TMTC2: variants seen among roughly 807,000 people sequenced by gnomAD.
TMTC2 encodes protein O-mannosyl-transferase TMTC2.
TMTC2 carries 43 observed loss-of-function variants against 82.4 expected under a neutral mutation model. The observed-to-expected ratio is 0.52, with a 90% confidence interval of 0.41 to 0.67. The LOEUF is 0.67. Among genes scored for constraint, TMTC2 ranks in the 30% least tolerant of loss-of-function variants. TMTC2 has a pLI of 0.00. For missense variants in TMTC2, 919 were observed against 1,012.4 expected (o/e 0.91, Z 1.25); for synonymous variants, 408 against 381.9 (o/e 1.07, Z -0.80).
rs531176030 is a variant in TMTC2, at chr12:82,988,135, T to C, written c.2070+2089T>C. 7.9e-5 allele frequency among the ~76,000 whole-genome samples: 12 copies of C among 152,220 alleles called. No individual in the cohort carries two copies. The East Asian group carries it at 2.3e-3, about 29-fold the overall frequency. On this transcript the variant is annotated intron_variant, in intron 8 of 11. Coordinates refer to ENST00000321196, the MANE Select transcript of TMTC2 (RefSeq NM_152588.3). ...TGGGCAAATCAGACTAAGCTTTTAA[T>C]GAATAAAATATTAAGGGAATACTAT...
intron 1 of TMTC2, among the ~76,000 whole-genome samples, chr12:82,736,868 C>A (rs1875153122): frequency 6.6e-6 from 1 of 152,040 alleles, no homozygotes; most frequent in Non-Finnish European, 1.5e-5. Flanking sequence ...AATGAATATC[C>A]CAGTTATAGA....
intron 1 of TMTC2, among the ~76,000 whole-genome samples, chr12:82,753,047 C>T (rs537416463): frequency 1.4e-4 from 22 of 152,170 alleles, no homozygotes; most frequent in African/African-American, 5.3e-4. Context: ...GAATGAGCGG[C>T]TCTCTTAAGC....
Position 82,897,184 on chromosome 12 carries a change from A to G in TMTC2, c.1483+538A>G, listed in dbSNP as rs180802549. Among the ~76,000 whole-genome samples, 59 of 152,306 alleles carry G rather than the reference A, an allele frequency of 3.9e-4. No homozygotes were observed. The East Asian group carries it at 0.011, about 27-fold the overall frequency. On this transcript the variant is annotated intron_variant, in intron 3 of 11. Coordinates refer to ENST00000321196, the MANE Select transcript of TMTC2 (RefSeq NM_152588.3). ...AGGTATGAGTCACCTTTGGCTGCGC[A>G]GAGGCTGAATTATCTGAGTGTTGCC...
At chr12:82,779,170 A>G (rs1181982570) in intron 1 of TMTC2, among the ~76,000 whole-genome samples, 1 of 151,976 alleles carries the variant, frequency 6.6e-6, no homozygotes, top group Non-Finnish European at 1.5e-5. Flanking sequence ...TCCCAACATC[A>G]CGGCAGGGTA....
chr12:83,046,087 C>T (rs1565867568), intron 9 of TMTC2, among the ~76,000 whole-genome samples: 2 of 152,226 alleles, frequency 1.3e-5, no homozygotes, highest in South Asian at 2.1e-4. Context: ...GTCACTTCTG[C>T]TCTAAAACAT....
chr12:82,871,486 A>G (rs1872174594), intron 2 of TMTC2, among the ~76,000 whole-genome samples: 1 of 152,150 alleles, frequency 6.6e-6, no homozygotes, highest in Non-Finnish European at 1.5e-5. Flanking sequence ...TAAAAATACA[A>G]TGATGGATAT....
intron 2 of TMTC2, among the ~76,000 whole-genome samples, chr12:82,876,088 GTATTCA>G (rs1565788846): frequency 7.3e-4 from 97 of 132,188 alleles, no homozygotes; most frequent in African/African-American, 1.8e-3. Flanking sequence ...ATGGTGATTA[GTATTCA>G]TAATGGTGGT....
intron 4 of TMTC2, among the ~76,000 whole-genome samples, chr12:82,939,859 T>C: frequency 6.6e-6 from 1 of 152,128 alleles, no homozygotes. Context: ...TTATCTTCAA[T>C]GTGAACTTGA....
At chr12:83,070,490 C>G (rs1883071350) in intron 11 of TMTC2, among the ~76,000 whole-genome samples, 1 of 151,396 alleles carries the variant, frequency 6.6e-6, no homozygotes, top group Non-Finnish European at 1.5e-5. Flanking sequence ...TGATTCTTTG[C>G]TTGGTTGCTG....
chr12:82,933,561 A>C (rs888373793), intron 4 of TMTC2, among the ~76,000 whole-genome samples: 2 of 152,186 alleles, frequency 1.3e-5, no homozygotes, highest in African/African-American at 4.8e-5. Context: ...ATAACGTGAT[A>C]ATACCCCTTT....
chr12:83,071,912 T>A (rs11834840), intron 11 of TMTC2, among the ~76,000 whole-genome samples: 9,336 of 152,262 alleles, frequency 0.061, 325 homozygotes, highest in Middle Eastern at 0.082. Flanking sequence ...TCTTGGTTAA[T>A]CTTGCTAAAG....
chr12:82,829,181 G>A (rs893568634), intron 1 of TMTC2, among the ~76,000 whole-genome samples: 5 of 152,102 alleles, frequency 3.3e-5, no homozygotes, highest in Admixed American at 3.3e-4. Context: ...TACAAGTGAG[G>A]AATCAGAAAC....
At chr12:83,022,641 C>T (rs890960563) in intron 8 of TMTC2, among the ~76,000 whole-genome samples, 1 of 151,652 alleles carries the variant, frequency 6.6e-6, no homozygotes, top group Non-Finnish European at 1.5e-5. Flanking sequence ...TCTTGAGGTA[C>T]TTACTTTGAC....
chr12:82,829,355 T>A (rs1869625217), intron 1 of TMTC2, among the ~76,000 whole-genome samples: 1 of 152,202 alleles, frequency 6.6e-6, no homozygotes. Context: ...TCTATAATTT[T>A]ATAGACAAAG....
intron 1 of TMTC2, among the ~76,000 whole-genome samples, chr12:82,795,215 G>A (rs552138695): frequency 4.0e-5 from 6 of 150,396 alleles, no homozygotes; most frequent in Non-Finnish European, 5.9e-5. Flanking sequence ...TGAGGTGGGC[G>A]AATTGCTTGA....
chr12:83,019,276 C>T (rs8181714), intron 8 of TMTC2, among the ~76,000 whole-genome samples: 85,782 of 151,968 alleles, frequency 0.56, 26,461 homozygotes, highest in East Asian at 0.84. Flanking sequence ...GCTCCTCTTT[C>T]CTTCACAGCC....
chr12:83,116,620 T>C (rs1251187390), intron 11 of TMTC2, among the ~76,000 whole-genome samples: 1 of 152,220 alleles, frequency 6.6e-6, no homozygotes, highest in African/African-American at 2.4e-5. Context: ...TTTTTGACTA[T>C]GGCCATTCTT....
intron 1 of TMTC2, among the ~76,000 whole-genome samples, chr12:82,804,499 C>T (rs1420483188): frequency 1.3e-5 from 2 of 152,038 alleles, no homozygotes; most frequent in Non-Finnish European, 2.9e-5. Context: ...CTTTTTAAAG[C>T]AATGATAATT....
chr12:82,873,213 T>TTGTGTG (rs35177760), intron 2 of TMTC2, among the ~76,000 whole-genome samples: 5,235 of 143,580 alleles, frequency 0.036, 316 homozygotes, highest in African/African-American at 0.12. Context: ...TTCAAAGATG[T>TTGTGTG]TGTGTGTGTG....
Sources: gnomAD v4.1 joint callset for allele counts (sites outside exome capture counted in the v4.1 genomes callset) on GRCh38, gnomAD v4.1.1 for gene constraint, MANE v1.5 for transcripts, NCBI Gene and HGNC (gene_info 2026-07-23, HGNC 2026-07-21) for gene names.